Variants in SLC44A5 observed in about 807,000 individuals in gnomAD.
SLC44A5 encodes choline transporter-like protein 5.
Under a neutral mutation model 101.8 loss-of-function variants are expected in SLC44A5, and 57 were observed. That is an observed-to-expected ratio of 0.56 (90% CI 0.45 to 0.70). SLC44A5 has a LOEUF of 0.70. SLC44A5 is among the 30% of genes least tolerant of loss of function. The pLI, the probability that SLC44A5 is intolerant of heterozygous loss-of-function variation, is 0.00. For synonymous variants in SLC44A5, 281 were observed against 290.9 expected (o/e 0.97, Z 0.35); for missense variants, 737 against 853.1 (o/e 0.86, Z 1.70).
intron 1 of SLC44A5, among the ~76,000 whole-genome samples, chr1:75,559,848 A>G (rs1672421040): frequency 6.6e-6 from 1 of 152,224 alleles, no homozygotes; most frequent in Non-Finnish European, 1.5e-5. Flanking sequence ...AATAAAAAAG[A>G]CAAATAGCCA....
chr1:75,577,050 G>A (rs1438152233), intron 1 of SLC44A5, among the ~76,000 whole-genome samples: 1 of 152,170 alleles, frequency 6.6e-6, no homozygotes, highest in Non-Finnish European at 1.5e-5. Flanking sequence ...TCAGAGCAAA[G>A]CCCTGCATCT....
chr1:75,537,354 T>C (rs185621286), intron 2 of SLC44A5, among the ~76,000 whole-genome samples: 39 of 152,324 alleles, frequency 2.6e-4, no homozygotes, highest in Admixed American at 1.6e-3. Flanking sequence ...CAATGTGTTA[T>C]GGCTTCTTTT....
intron 2 of SLC44A5, among the ~76,000 whole-genome samples, chr1:75,456,669 C>A (rs1018150828): frequency 2.0e-5 from 3 of 152,056 alleles, no homozygotes; most frequent in African/African-American, 4.8e-5. Flanking sequence ...AGAATGAGGG[C>A]TTTTTGTTTG....
intron 5 of SLC44A5, among the ~76,000 whole-genome samples, chr1:75,281,136 G>A (rs571552983): frequency 1.3e-5 from 2 of 152,222 alleles, no homozygotes; most frequent in South Asian, 4.1e-4. Flanking sequence ...GGAAAGTTTG[G>A]AACAACTTAG....
chr1:75,674,714 T>C, the SLC44A5 span, among the ~76,000 whole-genome samples: 1 of 141,568 alleles, frequency 7.1e-6, no homozygotes, highest in East Asian at 1.9e-4. Context: ...GAAGTGCACC[T>C]ACAGGATCTA....
At chr1:75,477,731 T>G (rs1206560929) in intron 2 of SLC44A5, among the ~76,000 whole-genome samples, 3 of 152,134 alleles carry the variant, frequency 2.0e-5, no homozygotes. Context: ...GAACAAAGCC[T>G]CCAAGAAATA....
At chr1:75,274,346 G>A (rs1199242383) in intron 6 of SLC44A5, among the ~76,000 whole-genome samples, 1 of 151,996 alleles carries the variant, frequency 6.6e-6, no homozygotes, top group Non-Finnish European at 1.5e-5. Context: ...TGTGTGTGTG[G>A]TTTATTTTCT....
At chr1:75,579,872 C>A (rs1028730563) in intron 1 of SLC44A5, among the ~76,000 whole-genome samples, 2 of 147,660 alleles carry the variant, frequency 1.4e-5, no homozygotes, top group African/African-American at 2.5e-5. Flanking sequence ...AACCTGCCAA[C>A]CAGGAGATTT....
At chr1:75,628,948 G>A in the SLC44A5 span, among the ~76,000 whole-genome samples, 1 of 152,088 alleles carries the variant, frequency 6.6e-6, no homozygotes, top group Non-Finnish European at 1.5e-5. Context: ...TCAACTAGTT[G>A]CATGTTCTAC....
intron 6 of SLC44A5, among the ~76,000 whole-genome samples, chr1:75,271,789 GTCT>G (rs1460587494): frequency 2.6e-5 from 4 of 152,044 alleles, no homozygotes; most frequent in African/African-American, 7.2e-5. Flanking sequence ...GTGTGCCTGT[GTCT>G]TTTTTACATA....
At chr1:75,287,657 C>G (rs1183218357) in intron 5 of SLC44A5, among the ~76,000 whole-genome samples, 1 of 151,978 alleles carries the variant, frequency 6.6e-6, no homozygotes, top group African/African-American at 2.4e-5. Context: ...ATGTGGTGCT[C>G]TTCTCCTTCC....
chr1:75,452,445 C>G (rs932635891), intron 2 of SLC44A5, among the ~76,000 whole-genome samples: 24 of 152,152 alleles, frequency 1.6e-4, no homozygotes, highest in Non-Finnish European at 5.9e-5. Context: ...ACCACAAACA[C>G]ACACTTAAGT....
At chr1:75,441,371 A>G (rs1220394882) in intron 2 of SLC44A5, among the ~76,000 whole-genome samples, 1 of 152,070 alleles carries the variant, frequency 6.6e-6, no homozygotes, top group Non-Finnish European at 1.5e-5. Flanking sequence ...CAGATTTCCA[A>G]ATGTTTGCAG....
Position 75,385,907 on chromosome 1 carries a change from C to T in SLC44A5, c.52+10676G>A, listed in dbSNP as rs563831545. Among the ~76,000 whole-genome samples, 446 of 152,122 alleles carry T rather than the reference C, an allele frequency of 2.9e-3. 6 individuals are homozygous for T. The South Asian group carries it at 0.04, about 14-fold the overall frequency. On this transcript the variant is annotated intron_variant, in intron 3 of 23. Transcript: ENST00000370859. ...TGGGATGCAAGGCTGGTTCAATATACGCAAATCAATAAATGTAATCCAGCA... is the reference window on the plus strand; with the variant it reads ...TGGGATGCAAGGCTGGTTCAATATATGCAAATCAATAAATGTAATCCAGCA...
intron 3 of SLC44A5, among the ~76,000 whole-genome samples, chr1:75,380,732 A>C (rs1319291020): frequency 1.2e-5 from 1 of 83,004 alleles, no homozygotes; most frequent in Non-Finnish European, 2.1e-5. Flanking sequence ...TTCTACAATG[A>C]ACCCATCGGA....
intron 3 of SLC44A5, among the ~76,000 whole-genome samples, chr1:75,377,196 T>A (rs1218207192): frequency 6.8e-6 from 1 of 147,146 alleles, no homozygotes; most frequent in African/African-American, 2.5e-5. Flanking sequence ...GCCTTGAGAT[T>A]CTGTTAATCT....
At chr1:75,542,874 T>C (rs1671431382) in intron 1 of SLC44A5, among the ~76,000 whole-genome samples, 1 of 152,206 alleles carries the variant, frequency 6.6e-6, no homozygotes, top group Admixed American at 6.5e-5. Context: ...TGTAATTAAA[T>C]AACTTTTCTA....
chr1:75,363,381 G>T (rs943876053), intron 3 of SLC44A5, among the ~76,000 whole-genome samples: 5 of 151,710 alleles, frequency 3.3e-5, no homozygotes, highest in African/African-American at 4.8e-5. Flanking sequence ...TTTCTTTCTT[G>T]TCTTTTTTGT....
the SLC44A5 span, among the ~76,000 whole-genome samples, chr1:75,616,966 G>A: frequency 6.6e-6 from 1 of 152,152 alleles, no homozygotes; most frequent in African/African-American, 2.4e-5. Context: ...GTTTGCTTTG[G>A]AAAGTTCTCA....
Sources: gnomAD v4.1 joint callset for allele counts (sites outside exome capture counted in the v4.1 genomes callset) on GRCh38, gnomAD v4.1.1 for gene constraint, MANE v1.5 for transcripts, NCBI Gene and HGNC (gene_info 2026-07-23, HGNC 2026-07-21) for gene names.